The following HEMK2 variants were observed in gnomAD, a reference collection of about 807,000 sequenced individuals.
HEMK2 encodes methyltransferase HEMK2.
chr21:28,707,101 A>G, the HEMK2 span, among the ~76,000 whole-genome samples: 4 of 152,196 alleles, frequency 2.6e-5, no homozygotes, highest in Non-Finnish European at 4.4e-5. Flanking sequence ...GTGTGTACTG[A>G]TATTTCTAAT....
chr21:28,780,581 G>T, the HEMK2 span, among the ~76,000 whole-genome samples: 23 of 152,254 alleles, frequency 1.5e-4, no homozygotes, highest in African/African-American at 5.3e-4. Context: ...AAAGTGCTGG[G>T]ATTACAGGCG....
the HEMK2 span, among the ~76,000 whole-genome samples, chr21:28,755,912 G>A: frequency 6.6e-6 from 1 of 152,160 alleles, no homozygotes; most frequent in Non-Finnish European, 1.5e-5. Context: ...AGAAGAGCTA[G>A]AAATAAAGGA....
the HEMK2 span, chr21:28,878,287 C>G: frequency 6.2e-7 from 1 of 1,612,890 alleles, no homozygotes. Flanking sequence ...GACTTCCCGA[C>G]CATTTCTGCC....
At chr21:28,781,948 G>C in the HEMK2 span, among the ~76,000 whole-genome samples, 6 of 152,224 alleles carry the variant, frequency 3.9e-5, no homozygotes, top group African/African-American at 1.4e-4. Flanking sequence ...CAGAGTAAGG[G>C]TCATCCTTTC....
the HEMK2 span, among the ~76,000 whole-genome samples, chr21:28,628,845 C>T: frequency 1.3e-5 from 2 of 152,362 alleles, no homozygotes; most frequent in East Asian, 3.9e-4. Flanking sequence ...AAGCTTTTAG[C>T]ACCCTGCATC....
the HEMK2 span, among the ~76,000 whole-genome samples, chr21:28,706,806 T>C: frequency 1.3e-5 from 2 of 152,208 alleles, no homozygotes; most frequent in African/African-American, 2.4e-5. Flanking sequence ...GAAATTAGCA[T>C]TATTCTTGGT....
the HEMK2 span, chr21:28,674,800 G>C: frequency 1.0e-5 from 1 of 97,076 alleles, no homozygotes; most frequent in Non-Finnish European, 1.8e-5. Context: ...GTATATAGTG[G>C]AGGCCCTGTT....
At chr21:28,607,861 G>T in the HEMK2 span, among the ~76,000 whole-genome samples, 11 of 152,186 alleles carry the variant, frequency 7.2e-5, no homozygotes, top group Admixed American at 2.0e-4. Flanking sequence ...TTGAAAATTA[G>T]ATTAGCATGA....
chr21:28,660,107 ATTTG>A, the HEMK2 span, among the ~76,000 whole-genome samples: 1 of 151,698 alleles, frequency 6.6e-6, no homozygotes, highest in African/African-American at 2.4e-5. Context: ...TTAATCTTTC[ATTTG>A]TTTTTTTCTA....
At chr21:28,826,602 G>A in the HEMK2 span, among the ~76,000 whole-genome samples, 2 of 152,100 alleles carry the variant, frequency 1.3e-5, no homozygotes, top group South Asian at 2.1e-4. Flanking sequence ...CTTCACTAAC[G>A]TTATCCACAG....
the HEMK2 span, among the ~76,000 whole-genome samples, chr21:28,720,520 G>T: frequency 6.6e-6 from 1 of 152,140 alleles, no homozygotes; most frequent in Non-Finnish European, 1.5e-5. Flanking sequence ...ATCACCTGAG[G>T]TCAGGAGTTT....
At chr21:28,781,226 C>A in the HEMK2 span, among the ~76,000 whole-genome samples, 5 of 152,306 alleles carry the variant, frequency 3.3e-5, no homozygotes, top group South Asian at 8.3e-4. Context: ...CTTCTTCCTG[C>A]AGGTGAATTA....
At chr21:28,870,991 C>T in the HEMK2 span, among the ~76,000 whole-genome samples, 218 of 152,258 alleles carry the variant, frequency 1.4e-3, 1 homozygote, top group African/African-American at 5.0e-3. Context: ...TGCTATTGTT[C>T]AAATCTCCTC....
At chr21:28,784,201 G>C in the HEMK2 span, among the ~76,000 whole-genome samples, 2 of 152,248 alleles carry the variant, frequency 1.3e-5, no homozygotes, top group Non-Finnish European at 2.9e-5. Flanking sequence ...GGATCCACTA[G>C]GTGAAGCCAG....
the HEMK2 span, among the ~76,000 whole-genome samples, chr21:28,696,256 A>G: frequency 2.0e-5 from 3 of 152,186 alleles, no homozygotes; most frequent in African/African-American, 7.2e-5. Flanking sequence ...TCAAGATGGG[A>G]TTTGGGCAGG....
the HEMK2 span, among the ~76,000 whole-genome samples, chr21:28,797,765 GT>G: frequency 6.6e-6 from 1 of 152,202 alleles, no homozygotes; most frequent in East Asian, 1.9e-4. Flanking sequence ...AAACTAGCTT[GT>G]GTAAAACAGA....
chr21:28,648,333 A>G, the HEMK2 span, among the ~76,000 whole-genome samples: 172 of 152,250 alleles, frequency 1.1e-3, 4 homozygotes, highest in East Asian at 0.029. Flanking sequence ...TCTTTGGCAA[A>G]AAGTAGGTTA....
the HEMK2 span, among the ~76,000 whole-genome samples, chr21:28,710,258 C>T: frequency 9.9e-5 from 15 of 152,234 alleles, no homozygotes; most frequent in East Asian, 2.7e-3. Flanking sequence ...AATTTCACTC[C>T]CTTGGACTTT....
the HEMK2 span, among the ~76,000 whole-genome samples, chr21:28,788,291 CACACACACACACAT>C: frequency 7.5e-6 from 1 of 133,176 alleles, no homozygotes; most frequent in African/African-American, 3.6e-5. Context: ...CACACACACA[CACACACACACACAT>C]ATATATGTGT....
Sources: gnomAD v4.1 joint callset for allele counts (sites outside exome capture counted in the v4.1 genomes callset) on GRCh38, gnomAD v4.1.1 for gene constraint, MANE v1.5 for transcripts, NCBI Gene and HGNC (gene_info 2026-07-23, HGNC 2026-07-21) for gene names.